The following SDK1 variants were observed in gnomAD, a reference collection of about 807,000 sequenced individuals.
SDK1 encodes the protein protein sidekick-1.
In SDK1, 157 loss-of-function variants were observed where a neutral mutation model predicts 245.5. The ratio of observed to expected loss-of-function variants is 0.64; its 90% CI spans 0.56 to 0.73. SDK1 has a LOEUF of 0.73. SDK1 is among the 30% of genes least tolerant of loss of function. SDK1 has a pLI of 0.00. For missense variants in SDK1, 3,583 were observed against 3,002.3 expected (o/e 1.19, Z -4.52); for synonymous variants, 1,647 against 1,278.5 (o/e 1.29, Z -6.15).
At chr7:4,079,346 CT>C (rs138579749) in intron 21 of SDK1, 116 bp from the exon 22 acceptor site, 3 of 1,255,102 alleles carry the variant, frequency 2.4e-6, no homozygotes, top group South Asian at 1.4e-5. Context: ...AGAGCAAATC[CT>C]TTTTTGGTAT....
chr7:3,842,308 T>G (rs111446733), intron 5 of SDK1, among the ~76,000 whole-genome samples: 120 of 152,302 alleles, frequency 7.9e-4, no homozygotes, highest in African/African-American at 2.8e-3. Flanking sequence ...CGGGAGATGA[T>G]GCCTCCACTG....
intron 38 of SDK1, among the ~76,000 whole-genome samples, chr7:4,216,825 G>A (rs1584467331): frequency 6.6e-6 from 1 of 152,124 alleles, no homozygotes; most frequent in Non-Finnish European, 1.5e-5. Context: ...ACCCGGTATG[G>A]GCAGCTCCTC....
intron 4 of SDK1, among the ~76,000 whole-genome samples, chr7:3,817,271 T>C (rs1352016636): frequency 6.6e-6 from 1 of 152,182 alleles, no homozygotes; most frequent in Non-Finnish European, 1.5e-5. Context: ...CCATAGATAC[T>C]CTTAAGGGAA....
intron 1 of SDK1, among the ~76,000 whole-genome samples, chr7:3,607,876 T>C (rs1178384259): frequency 6.6e-6 from 1 of 152,248 alleles, no homozygotes; most frequent in Non-Finnish European, 1.5e-5. Flanking sequence ...AATTTAATCC[T>C]TGAGACAAGT....
chr7:3,364,572 C>T (rs540707418), intron 1 of SDK1, among the ~76,000 whole-genome samples: 1 of 152,198 alleles, frequency 6.6e-6, no homozygotes, highest in Admixed American at 6.5e-5. Context: ...GCACCTCTCT[C>T]AAAAATCACT....
chr7:3,517,084 A>T (rs1782778922), intron 1 of SDK1, among the ~76,000 whole-genome samples: 1 of 152,150 alleles, frequency 6.6e-6, no homozygotes, highest in Admixed American at 6.5e-5. Flanking sequence ...ATTATTCATA[A>T]ATGTATGAAA....
intron 2 of SDK1, among the ~76,000 whole-genome samples, chr7:3,626,395 A>C (rs147480782): frequency 6.6e-6 from 1 of 152,240 alleles, no homozygotes; most frequent in African/African-American, 2.4e-5. Flanking sequence ...TTTATTCAAG[A>C]GAGTTAGTAG....
At chr7:4,123,013 C>T (rs908160949) in intron 25 of SDK1, among the ~76,000 whole-genome samples, 2 of 152,190 alleles carry the variant, frequency 1.3e-5, no homozygotes, top group African/African-American at 4.8e-5. Flanking sequence ...CCGTTGGTGT[C>T]CGAATTGCTG....
intron 5 of SDK1, among the ~76,000 whole-genome samples, chr7:3,859,245 C>A (rs1244340543): frequency 2.0e-5 from 3 of 152,094 alleles, no homozygotes; most frequent in Admixed American, 2.0e-4. Context: ...CAACTTTGAT[C>A]CACCTGCCTA....
chr7:3,667,989 G>A (rs1783588047), intron 4 of SDK1, among the ~76,000 whole-genome samples: 1 of 152,152 alleles, frequency 6.6e-6, no homozygotes, highest in Non-Finnish European at 1.5e-5. Context: ...GTAAGTGTAT[G>A]TTTATTTAAC....
intron 4 of SDK1, among the ~76,000 whole-genome samples, chr7:3,740,828 C>A (rs1779456942): frequency 6.6e-6 from 1 of 152,100 alleles, no homozygotes; most frequent in Non-Finnish European, 1.5e-5. Context: ...AATTTTTGTC[C>A]ATGTTCTCAT....
chr7:3,422,334 A>C (rs1271312693), intron 1 of SDK1, among the ~76,000 whole-genome samples: 1 of 152,236 alleles, frequency 6.6e-6, no homozygotes, highest in African/African-American at 2.4e-5. Flanking sequence ...TGGTGAAGTC[A>C]AGAGTGAAAA....
intron 1 of SDK1, among the ~76,000 whole-genome samples, chr7:3,545,234 A>G (rs1276923346): frequency 2.0e-5 from 3 of 152,132 alleles, no homozygotes; most frequent in South Asian, 4.1e-4. Context: ...GGAATGGGGA[A>G]AAGGCCTCAG....
chr7:4,203,081 G>T (rs962261835), intron 35 of SDK1, among the ~76,000 whole-genome samples: 1 of 152,242 alleles, frequency 6.6e-6, no homozygotes, highest in Non-Finnish European at 1.5e-5. Context: ...CCTTGCTGCC[G>T]TTTGGGGCTT....
rs746871308 is a variant in SDK1, at chr7:3,974,360, G to C, written c.1818-9G>C. ...GTTTGTAACTCAAGACCCTTTGCTT[G>C]GCCCACAGCTACGTTTGGAAGAAGG... On this transcript the variant is annotated splice_polypyrimidine_tract_variant and intron_variant, in intron 12 of 44. Coordinates refer to ENST00000404826, the MANE Select transcript of SDK1 (RefSeq NM_152744.4). 1.9e-6 allele frequency: 3 copies of C among 1,607,426 alleles called. No homozygotes were observed. The highest frequency in any genetic ancestry group is 2.6e-6 in the Non-Finnish European group (3 of 1,174,552).
chr7:3,971,168 G>A (rs2128132881), intron 11 of SDK1, among the ~76,000 whole-genome samples: 1 of 152,198 alleles, frequency 6.6e-6, no homozygotes, highest in South Asian at 2.1e-4. Context: ...TTATTTTAGA[G>A]CCTAGAACCT....
chr7:3,342,463 C>T (rs991518171), intron 1 of SDK1, among the ~76,000 whole-genome samples: 3 of 152,106 alleles, frequency 2.0e-5, no homozygotes, highest in African/African-American at 7.2e-5. Context: ...TGGCACATGC[C>T]TGTAATCCCA....
intron 5 of SDK1, among the ~76,000 whole-genome samples, chr7:3,851,449 A>G (rs1358649024): frequency 6.6e-6 from 1 of 152,218 alleles, no homozygotes; most frequent in African/African-American, 2.4e-5. Context: ...ATAGAAGCGT[A>G]ATATGCTTCT....
chr7:3,905,560 A>G (rs999333589), intron 5 of SDK1, among the ~76,000 whole-genome samples: 1 of 151,768 alleles, frequency 6.6e-6, no homozygotes, highest in African/African-American at 2.4e-5. Context: ...TTCACTAGGT[A>G]GTTATTTTCT....
Sources: allele counts gnomAD v4.1 joint callset (sites outside exome capture counted in the v4.1 genomes callset), GRCh38; gene constraint gnomAD v4.1.1; transcripts MANE v1.5; gene names NCBI Gene and HGNC (gene_info 2026-07-23, HGNC 2026-07-21).